Variants in ADAM23 observed in about 807,000 individuals in gnomAD.
The protein encoded by ADAM23 is disintegrin and metalloproteinase domain-containing protein 23.
In ADAM23, 33 loss-of-function variants were observed where a neutral mutation model predicts 120.1. That is an observed-to-expected ratio of 0.27 (90% CI 0.21 to 0.37). ADAM23 has a LOEUF of 0.37. ADAM23 is among the 10% of genes least tolerant of loss of function. ADAM23 has a pLI of 1.00. For missense variants in ADAM23, 862 were observed against 1,058.2 expected (o/e 0.81, Z 2.57); for synonymous variants, 367 against 375.2 (o/e 0.98, Z 0.25).
intron 9 of ADAM23, among the ~76,000 whole-genome samples, chr2:206,555,596 A>C (rs1697627347): frequency 6.6e-6 from 1 of 152,210 alleles, no homozygotes; most frequent in South Asian, 2.1e-4. Flanking sequence ...AATATGAAAT[A>C]AATTTAAAAC....
At position 206,444,031 on chromosome 2, in the gene ADAM23, G is replaced by T; in HGVS notation, c.165G>T (p.Pro55=). The T allele has an allele frequency of 7.1e-7, 1 of 1,409,030 alleles. No homozygotes were observed. The highest frequency in any genetic ancestry group is 9.3e-7 in the Non-Finnish European group (1 of 1,077,790). The allele number at this position is 1,409,030 out of a possible 1,614,324, so 87.3% of individuals were successfully genotyped here. ...TTCTCGTCCTTCTCCTGCTGCCTCC[G>T]CTCGCCGCCTCGTCCCGGCCCCGCG... ...RLLLVLLLLP[P]LAASSRPRAW... The change falls in exon 1 of 26, where the codon CCG becomes CCT. Residue 55 remains proline, a synonymous_variant. Coordinates refer to ENST00000264377, the MANE Select transcript of ADAM23 (RefSeq NM_003812.4).
intron 2 of ADAM23, among the ~76,000 whole-genome samples, chr2:206,474,763 C>T (rs1253537393): frequency 6.6e-6 from 1 of 152,022 alleles, no homozygotes; most frequent in Non-Finnish European, 1.5e-5. Flanking sequence ...TTCATAGAGG[C>T]AGGGTTTCAC....
chr2:206,513,730 G>T (rs1696674392), intron 3 of ADAM23, among the ~76,000 whole-genome samples: 1 of 152,168 alleles, frequency 6.6e-6, no homozygotes, highest in Non-Finnish European at 1.5e-5. Context: ...AACTAGAGAG[G>T]AGAACTCAAA....
At chr2:206,560,668 G>A (rs1477908675) in intron 11 of ADAM23, among the ~76,000 whole-genome samples, 3 of 152,032 alleles carry the variant, frequency 2.0e-5, no homozygotes, top group Non-Finnish European at 4.4e-5. Context: ...CCCCAGTCAT[G>A]GCAAAGCTAT....
intron 2 of ADAM23, among the ~76,000 whole-genome samples, chr2:206,462,498 C>T (rs757823681): frequency 2.0e-5 from 3 of 152,178 alleles, no homozygotes; most frequent in East Asian, 1.9e-4. Context: ...CCTACCACTT[C>T]GATTTTTCTT....
chr2:206,507,724 G>A (rs931042620), intron 3 of ADAM23, among the ~76,000 whole-genome samples: 1 of 152,188 alleles, frequency 6.6e-6, no homozygotes, highest in Non-Finnish European at 1.5e-5. Context: ...CCACTGTTGT[G>A]TATTTTTAAG....
intron 4 of ADAM23, among the ~76,000 whole-genome samples, chr2:206,539,802 A>G (rs966457737): frequency 1.3e-5 from 2 of 152,204 alleles, no homozygotes; most frequent in Non-Finnish European, 1.5e-5. Context: ...AGTGTTACCA[A>G]ATAATATTTT....
At chr2:206,586,337 A>C (rs1011468466) in intron 18 of ADAM23, among the ~76,000 whole-genome samples, 1 of 152,182 alleles carries the variant, frequency 6.6e-6, no homozygotes, top group Non-Finnish European at 1.5e-5. Context: ...ACAGTAATCC[A>C]GGTGAGAGGT....
chr2:206,599,225 A>T (rs986835681), intron 24 of ADAM23, among the ~76,000 whole-genome samples: 2 of 151,026 alleles, frequency 1.3e-5, no homozygotes, highest in African/African-American at 2.4e-5. Context: ...AAAAAAAGAG[A>T]TAAGCATTCT....
intron 3 of ADAM23, among the ~76,000 whole-genome samples, chr2:206,490,320 G>T (rs1479457961): frequency 6.6e-6 from 1 of 152,166 alleles, no homozygotes; most frequent in Non-Finnish European, 1.5e-5. Context: ...GTACTTTGTG[G>T]CATCCTTAGC....
intron 18 of ADAM23, among the ~76,000 whole-genome samples, chr2:206,581,773 T>C (rs1698222617): frequency 6.6e-6 from 1 of 152,218 alleles, no homozygotes; most frequent in South Asian, 2.1e-4. Context: ...CATTGTTTCT[T>C]TGTTGACTTT....
At chr2:206,473,601 A>G (rs984903083) in intron 2 of ADAM23, among the ~76,000 whole-genome samples, 1 of 150,420 alleles carries the variant, frequency 6.6e-6, no homozygotes, top group African/African-American at 2.4e-5. Flanking sequence ...AATAATAATA[A>G]CAACAACAAC....
chr2:206,610,791 T>C (rs1390894709), intron 25 of ADAM23, among the ~76,000 whole-genome samples: 3 of 152,228 alleles, frequency 2.0e-5, no homozygotes, highest in African/African-American at 4.8e-5. Flanking sequence ...TCCAGAATCA[T>C]TGGATAATTG....
rs187650448 is a variant in ADAM23, at chr2:206,445,888, G to A, written c.432+364G>A. On this transcript the variant is annotated intron_variant, in intron 2 of 25. Coordinates refer to ENST00000264377, the MANE Select transcript of ADAM23 (RefSeq NM_003812.4). Reference sequence around the variant, plus strand: ...GCCTTGATATAAAACTGTCTCCCATGATATAAAAACTGCTTTCAATCTGCA... The same window carrying A: ...GCCTTGATATAAAACTGTCTCCCATAATATAAAAACTGCTTTCAATCTGCA... Among the ~76,000 whole-genome samples, 54 of 152,310 alleles carry A rather than the reference G, an allele frequency of 3.5e-4. No individual in the cohort carries two copies. In the East Asian group the frequency reaches 5.6e-3, roughly 16 times the overall value.
intron 5 of ADAM23, 49 bp from the exon 6 acceptor site, chr2:206,543,200 GCCAT>G: frequency 8.7e-6 from 13 of 1,498,558 alleles, no homozygotes; most frequent in Non-Finnish European, 1.1e-5. Flanking sequence ...GCTATTTCTT[GCCAT>G]TTCCTGTGTT....
rs3732080 is a variant in ADAM23, at chr2:206,618,465, C to A, written c.*838C>A. 1 of 152,216 alleles carries A rather than the reference C, an allele frequency of 6.6e-6. No individual in the cohort carries two copies. Among genetic ancestry groups the A allele is most frequent in the East Asian group, 1.9e-4 (1 of 5,202 alleles). 9.4% of individuals were successfully genotyped at this position (152,216 alleles called of 1,614,324 possible). ...ATGGAAATAAGAGATTTTGACACAT[C>A]ATTTTCACTTGTCTGTATTGAGATA... On this transcript the variant is annotated 3_prime_UTR_variant, in exon 26 of 26. Transcript: ENST00000264377.
chr2:206,609,900 T>C lies in ADAM23; in HGVS notation c.2360-10T>C. On this transcript the variant is annotated splice_polypyrimidine_tract_variant and intron_variant, in intron 24 of 25. Coordinates refer to ENST00000264377, the MANE Select transcript of ADAM23 (RefSeq NM_003812.4). Reference sequence around the variant, plus strand: ...TCATATGACTCTCTTCCCATGATCCTTTGTCACAGGTCCTAGTGCCACCAA... The same window carrying C: ...TCATATGACTCTCTTCCCATGATCCCTTGTCACAGGTCCTAGTGCCACCAA... The C allele has an allele frequency of 6.3e-7, 1 of 1,594,930 alleles. No individual in the cohort carries two copies. Among genetic ancestry groups the C allele is most frequent in the Non-Finnish European group, 8.5e-7 (1 of 1,173,112 alleles).
intron 6 of ADAM23, among the ~76,000 whole-genome samples, chr2:206,544,348 G>C (rs1697352308): frequency 6.6e-6 from 1 of 152,158 alleles, no homozygotes; most frequent in Non-Finnish European, 1.5e-5. Context: ...TGCTCTAATA[G>C]TGTTGCTTGC....
rs1445449717 is a variant in ADAM23 at position 206,444,013 on chromosome 2, C to T, written c.147C>T (p.Val49=). ...CGCCGCCCTGCCGCCTGCTTCTCGTCCTTCTCCTGCTGCCTCCGCTCGCCG... is the reference window on the plus strand; with the variant it reads ...CGCCGCCCTGCCGCCTGCTTCTCGTTCTTCTCCTGCTGCCTCCGCTCGCCG... The part of the protein sequence containing the change: ...ARTPPCRLLL[V]LLLLPPLAAS... The change falls in exon 1 of 26, where the codon GTC becomes GTT. Residue 49 remains valine, a synonymous_variant. Transcript: ENST00000264377. 1 of 1,410,732 alleles carries T rather than the reference C, an allele frequency of 7.1e-7. No individual in the cohort carries two copies. The highest frequency in any genetic ancestry group is 1.5e-5 in the South Asian group (1 of 67,092). The allele number at this position is 1,410,732 out of a possible 1,614,324, so 87.4% of individuals were successfully genotyped here. A position where few individuals can be genotyped will look rare whatever the true frequency, so the allele number is the denominator to read the frequency against.
Sources: allele counts gnomAD v4.1 joint callset (sites outside exome capture counted in the v4.1 genomes callset), GRCh38; gene constraint gnomAD v4.1.1; transcripts MANE v1.5; gene names NCBI Gene and HGNC (gene_info 2026-07-23, HGNC 2026-07-21).